Variants in GASK1B observed in about 807,000 individuals in gnomAD.
GASK1B encodes the protein Golgi-associated kinase 1B.
GASK1B carries 34 observed loss-of-function variants against 42.8 expected under a neutral mutation model. The observed-to-expected ratio is 0.79, with a 90% CI of 0.60 to 1.06. The LOEUF is 1.06. GASK1B is among the 50% of genes least tolerant of loss of function. The pLI is 0.00. For missense variants in GASK1B, 686 were observed against 661.0 expected, an observed-to-expected ratio of 1.04 and a Z score of -0.42; for synonymous variants, 262 against 259.1, an observed-to-expected ratio of 1.01 and a Z score of -0.11.
chr4:158,150,514 A>G (rs1195807734), intron 3 of GASK1B, among the ~76,000 whole-genome samples: 3 of 152,174 alleles, frequency 2.0e-5, no homozygotes. Flanking sequence ...ATCATAAGTA[A>G]TAAAGTCATT....
chr4:158,165,277 G>A (rs1300479570), intron 2 of GASK1B, among the ~76,000 whole-genome samples: 1 of 152,074 alleles, frequency 6.6e-6, no homozygotes, highest in African/African-American at 2.4e-5. Context: ...TTATTTTCTT[G>A]ATTTTTACAT....
At chr4:158,157,697 C>A (rs1056393424) in intron 2 of GASK1B, among the ~76,000 whole-genome samples, 1 of 152,082 alleles carries the variant, frequency 6.6e-6, no homozygotes, top group African/African-American at 2.4e-5. Context: ...CAGTGAACTT[C>A]AACACAAATC....
rs1391746200 is a variant in GASK1B at position 158,124,670 on chromosome 4, A to T, written c.*2737T>A. On this transcript the variant is annotated 3_prime_UTR_variant, in exon 5 of 5. Coordinates refer to ENST00000585682, the MANE Select transcript of GASK1B (RefSeq NM_001128424.2). The stretch of plus-strand genomic sequence containing the variant: ...AGTAGAATAAACAGGCTATGATTAC[A>T]AGTCCAAAGATTACAAATATAATGA... 6.6e-6 allele frequency: 1 copy of T among 152,144 alleles called. No individual in the cohort carries two copies. The highest frequency in any genetic ancestry group is 2.4e-5 in the African/African-American group (1 of 41,444). The allele number at this position is 152,144 out of a possible 1,614,324, so 9.4% of individuals were successfully genotyped here.
chr4:158,146,247 C>G (rs1412320455), intron 3 of GASK1B, among the ~76,000 whole-genome samples: 1 of 151,722 alleles, frequency 6.6e-6, no homozygotes, highest in East Asian at 1.9e-4. Flanking sequence ...GGGACTTGCC[C>G]TTGAGAAATT....
At chr4:158,132,452 C>T (rs918603564) in intron 3 of GASK1B, among the ~76,000 whole-genome samples, 4 of 152,172 alleles carry the variant, frequency 2.6e-5, no homozygotes, top group Non-Finnish European at 5.9e-5. Flanking sequence ...TATCAGTGAG[C>T]TAGGCACCAA....
At chr4:158,141,350 C>A (rs1362562421) in intron 3 of GASK1B, among the ~76,000 whole-genome samples, 1 of 151,490 alleles carries the variant, frequency 6.6e-6, no homozygotes, top group African/African-American at 2.4e-5. Flanking sequence ...GCCTCAATAA[C>A]CAGAATGTAT....
intron 3 of GASK1B, among the ~76,000 whole-genome samples, chr4:158,145,756 A>G (rs937340277): frequency 3.9e-5 from 6 of 152,186 alleles, no homozygotes; most frequent in African/African-American, 1.4e-4. Context: ...ATCTTTTATT[A>G]CCAGCACTAA....
At chr4:158,165,495 A>C (rs1283575419) in intron 2 of GASK1B, among the ~76,000 whole-genome samples, 1 of 152,180 alleles carries the variant, frequency 6.6e-6, no homozygotes, top group African/African-American at 2.4e-5. Context: ...TCTGGTAAGC[A>C]CTGGCACCTT....
chr4:158,132,999 A>T (rs916845441), intron 3 of GASK1B, among the ~76,000 whole-genome samples: 1 of 152,250 alleles, frequency 6.6e-6, no homozygotes. Flanking sequence ...GAATGAAAAA[A>T]GCACAAATTA....
At chr4:158,171,765 T>C (rs1266051930) in intron 1 of GASK1B, among the ~76,000 whole-genome samples, 166 bp from the exon 2 acceptor site, 1 of 152,154 alleles carries the variant, frequency 6.6e-6, no homozygotes, top group Non-Finnish European at 1.5e-5. Context: ...TGTATAGATT[T>C]GATAGTCACT....
intron 3 of GASK1B, among the ~76,000 whole-genome samples, chr4:158,143,413 T>G (rs1335797667): frequency 1.3e-5 from 2 of 152,150 alleles, no homozygotes; most frequent in Non-Finnish European, 2.9e-5. Context: ...GGCAATATGA[T>G]TAAAAGGGAA....
intron 3 of GASK1B, among the ~76,000 whole-genome samples, chr4:158,152,624 C>T (rs1434873979): frequency 1.3e-5 from 2 of 151,966 alleles, no homozygotes; most frequent in Admixed American, 1.3e-4. Flanking sequence ...TAAACCAATC[C>T]AGCATACCAA....
At chr4:158,132,601 G>A (rs1384487513) in intron 3 of GASK1B, among the ~76,000 whole-genome samples, 1 of 152,196 alleles carries the variant, frequency 6.6e-6, no homozygotes, top group Non-Finnish European at 1.5e-5. Flanking sequence ...TTTACTGTAT[G>A]TAAATGGACT....
Position 158,162,445 on chromosome 4 carries a change from A to G in GASK1B, c.911-6620T>C, listed in dbSNP as rs562785199. 3.3e-5 allele frequency among the ~76,000 whole-genome samples: 5 copies of G among 152,326 alleles called. No homozygotes were observed. The East Asian group carries it at 9.7e-4, about 29-fold the overall frequency. On this transcript the variant is annotated intron_variant, in intron 2 of 4. Transcript: ENST00000585682. ...TTTCAGAATCCCCCAATGTTCATGG[A>G]TAGCTCTTAGAGTCTAAGGAATGGT...
chr4:158,134,131 A>G (rs1170683050), intron 3 of GASK1B, among the ~76,000 whole-genome samples: 1 of 152,214 alleles, frequency 6.6e-6, no homozygotes, highest in Non-Finnish European at 1.5e-5. Flanking sequence ...TTGAATTCAT[A>G]TTCAATATAC....
chr4:158,170,616 G>C lies in GASK1B; in HGVS notation c.760C>G (p.Pro254Ala). The C allele has an allele frequency of 6.2e-7, 1 of 1,613,756 alleles. No individual in the cohort carries two copies. The highest frequency in any genetic ancestry group is 8.5e-7 in the Non-Finnish European group (1 of 1,180,044). ...ARLLVLEGGA[P>A]GAVLRCGPSP... ...GGGCCACAGCGGAGCACAGCGCCAGGTGCGCCCCCCTCCAGCACCAGCAAA... is the reference window on the plus strand; with the variant it reads ...GGGCCACAGCGGAGCACAGCGCCAGCTGCGCCCCCCTCCAGCACCAGCAAA... The change falls in exon 2 of 5, where the codon CCT becomes GCT. Residue 254 changes from proline to alanine, a missense_variant. Physicochemically the swap from Pro to Ala is conservative, Grantham distance 27 (BLOSUM62 -1). Coordinates refer to ENST00000585682, the MANE Select transcript of GASK1B (RefSeq NM_001128424.2).
intron 1 of GASK1B, chr4:158,172,180 C>G (rs2111038360): frequency 6.6e-6 from 1 of 152,074 alleles, no homozygotes; most frequent in Middle Eastern, 3.4e-3. Flanking sequence ...CTTTCTCTCT[C>G]TCTCACACAC....
chr4:158,128,486 T>C lies in GASK1B; in HGVS notation c.1353-872A>G, dbSNP rs146207820. ...ATTTTGCTAAATCCCCAATTTGACA[T>C]TTCTCAACTTTCACTAAAATGCTGA... On this transcript the variant is annotated intron_variant, in intron 4 of 4. Coordinates refer to ENST00000585682, the MANE Select transcript of GASK1B (RefSeq NM_001128424.2). Among the ~76,000 whole-genome samples the C allele has an allele frequency of 2.2e-3, 332 of 152,342 alleles. 4 individuals are homozygous for C. The highest frequency in any genetic ancestry group is 1.9e-3 in the Non-Finnish European group (127 of 68,026).
At chr4:158,134,212 T>G (rs1325864657) in intron 3 of GASK1B, among the ~76,000 whole-genome samples, 1 of 152,232 alleles carries the variant, frequency 6.6e-6, no homozygotes, top group African/African-American at 2.4e-5. Context: ...GGCAGTTAAT[T>G]TAGTTTTCTA....
Sources: allele counts gnomAD v4.1 joint callset (sites outside exome capture counted in the v4.1 genomes callset), GRCh38; gene constraint gnomAD v4.1.1; transcripts MANE v1.5; gene names NCBI Gene and HGNC (gene_info 2026-07-23, HGNC 2026-07-21).